Variants in CEACAM5 observed in about 807,000 individuals in gnomAD.
The protein encoded by CEACAM5 is cell adhesion molecule CEACAM5.
A neutral mutation model predicts 63.0 loss-of-function variants in CEACAM5; 52 were observed. The ratio of observed to expected loss-of-function variants is 0.83; its 90% CI spans 0.66 to 1.04. CEACAM5 has a LOEUF of 1.04. CEACAM5 is among the 50% of genes least tolerant of loss of function. The probability of loss-of-function intolerance (pLI) is 0.00; values close to 1 mark genes in which losing one functional copy is unlikely to be tolerated. For synonymous variants in CEACAM5, 357 were observed against 351.3 expected, an observed-to-expected ratio of 1.02 and a Z score of -0.18; for missense variants, 790 against 864.8, an observed-to-expected ratio of 0.91 and a Z score of 1.08.
At chr19:41,718,866 C>G (rs60959547) in intron 6 of CEACAM5, among the ~76,000 whole-genome samples, 1 of 152,224 alleles carries the variant, frequency 6.6e-6, no homozygotes, top group Non-Finnish European at 1.5e-5. Flanking sequence ...GGCTCCGCTC[C>G]GGGCTCCCCC....
At chr19:41,711,162 G>A (rs1291080234) in intron 2 of CEACAM5, among the ~76,000 whole-genome samples, 1 of 152,130 alleles carries the variant, frequency 6.6e-6, no homozygotes, top group African/African-American at 2.4e-5. Flanking sequence ...TCTGGAGAGT[G>A]ATAAGTAAAT....
At chr19:41,718,922 T>C (rs1216078558) in intron 6 of CEACAM5, among the ~76,000 whole-genome samples, 4 of 152,172 alleles carry the variant, frequency 2.6e-5, no homozygotes, top group African/African-American at 4.8e-5. Flanking sequence ...GATCCGGGCA[T>C]GTGGAGAAGG....
At position 41,727,306 on chromosome 19, in the gene CEACAM5, C is replaced by A. The variant is rs2072714062; in HGVS notation, c.2099C>A (p.Ala700Asp). The A allele has an allele frequency of 3.1e-6, 5 of 1,612,962 alleles. No homozygotes were observed. Among genetic ancestry groups the A allele is most frequent in the Non-Finnish European group, 4.2e-6 (5 of 1,178,922 alleles). Residue 700 changes from alanine to aspartate, a missense_variant, in exon 9 of 10, where the codon GCT (alanine) becomes GAT (aspartate). Transcript: ENST00000221992. ...ATGATTGGAGTGCTGGTTGGGGTTG[C>A]TCTGATATAGCAGCCCTGGTGTAGT... The part of the protein sequence containing the change: ...GIMIGVLVGV[A>D]LI
Position 41,719,990 on chromosome 19 carries a change from C to T in CEACAM5, c.1553C>T (p.Ala518Val). The part of the protein sequence containing the change: ...NNSKPVEDKD[A>V]VAFTCEPEAQ... ...TCCAAACCCGTGGAGGACAAGGATGCTGTGGCCTTCACCTGTGAACCTGAG... is the reference window on the plus strand; with the variant it reads ...TCCAAACCCGTGGAGGACAAGGATGTTGTGGCCTTCACCTGTGAACCTGAG... The change falls in exon 7 of 10, where the codon GCT becomes GTT. Residue 518 changes from alanine (A) to valine (V), a missense_variant. Ala to Val is a moderately conservative substitution (Grantham distance 64). Coordinates refer to ENST00000221992, the MANE Select transcript of CEACAM5 (RefSeq NM_004363.6). 1 of 1,614,248 alleles carries T rather than the reference C, an allele frequency of 6.2e-7. No homozygotes were observed. Among genetic ancestry groups the T allele is most frequent in the Non-Finnish European group, 8.5e-7 (1 of 1,180,048 alleles).
At chr19:41,719,899 C>G (rs546517688) in intron 6 of CEACAM5, 31 bp from the exon 7 acceptor site, 4 of 1,612,704 alleles carry the variant, frequency 2.5e-6, no homozygotes, top group East Asian at 2.2e-5. Flanking sequence ...AAGTGCCACA[C>G]AGGGCAATCT....
chr19:41,708,627 G>C lies in CEACAM5; in HGVS notation c.-105G>C, dbSNP rs1202748586. On this transcript the variant is annotated 5_prime_UTR_variant, in exon 1 of 10. Transcript: ENST00000221992. ...CTGCCCTAGGAAGAGACTCAGGGCA[G>C]AGGGAGGAAGGACAGCAGACCAGAC... 2 of 990,740 alleles carry C rather than the reference G, an allele frequency of 2.0e-6. No homozygotes were observed. Among genetic ancestry groups the C allele is most frequent in the Non-Finnish European group, 3.1e-6 (2 of 635,056 alleles). 61.4% of individuals were successfully genotyped at this position (990,740 alleles called of 1,614,324 possible).
At chr19:41,722,982 A>G (rs2122830420) in intron 8 of CEACAM5, among the ~76,000 whole-genome samples, 1 of 152,108 alleles carries the variant, frequency 6.6e-6, no homozygotes, top group South Asian at 2.1e-4. Context: ...ATCTCGGCTC[A>G]CTGCAAGCTC....
chr19:41,716,386 G>A (rs2072526980), intron 4 of CEACAM5, among the ~76,000 whole-genome samples: 1 of 152,224 alleles, frequency 6.6e-6, no homozygotes, highest in South Asian at 2.1e-4. Flanking sequence ...CTCTGCTCTG[G>A]GCTCCCCTGG....
Position 41,715,268 on chromosome 19 carries a change from C to G in CEACAM5, c.703+19C>G. On this transcript the variant is annotated intron_variant, in intron 3 of 9. Transcript: ENST00000221992. ...GTCCTCTGTGAGTATATCTGCTCCT[C>G]TCTGGCCCAGGCTGCCAGCCCAAAT... The G allele has an allele frequency of 6.2e-7, 1 of 1,614,224 alleles. No homozygotes were observed. The highest frequency in any genetic ancestry group is 1.1e-5 in the South Asian group (1 of 91,090).
intron 6 of CEACAM5, among the ~76,000 whole-genome samples, chr19:41,719,460 C>T (rs1382720268): frequency 2.0e-5 from 3 of 152,196 alleles, no homozygotes; most frequent in Non-Finnish European, 4.4e-5. Flanking sequence ...TGCTCCTGGT[C>T]TCCTGAGCTA....
chr19:41,727,454 C>A, intron 9 of CEACAM5, 102 bp downstream of exon 9: 1 of 692,710 alleles, frequency 1.4e-6, no homozygotes, highest in Non-Finnish European at 2.6e-6. Flanking sequence ...GACTGGATCT[C>A]TTCCTCCTAC....
intron 6 of CEACAM5, 114 bp downstream of exon 6, chr19:41,718,496 A>T (rs1363933365): frequency 9.1e-7 from 1 of 1,099,526 alleles, no homozygotes; most frequent in African/African-American, 1.6e-5. Flanking sequence ...GGGCACAAGC[A>T]ATCCCAAATT....
intron 8 of CEACAM5, among the ~76,000 whole-genome samples, chr19:41,721,605 G>A (rs1023812628): frequency 1.3e-5 from 2 of 152,272 alleles, no homozygotes; most frequent in Non-Finnish European, 2.9e-5. Context: ...CAAATGAGAG[G>A]AGGAAGCCCC....
At position 41,717,137 on chromosome 19, in the gene CEACAM5, C is replaced by CCAGG. The variant is rs369648780; in HGVS notation, c.959-314_959-311dup. Among the ~76,000 whole-genome samples the CCAGG allele has an allele frequency of 1.9e-3, 289 of 152,344 alleles. 5 individuals carry two copies. Among genetic ancestry groups the CCAGG allele is most frequent in the African/African-American group, 6.5e-3 (270 of 41,582 alleles). ...AATTCCAGGTGAGGACCCCAATGGGCCAGGCAGCCAGCCAGTCAGGAAAGG... is the reference window on the plus strand; with the variant it reads ...AATTCCAGGTGAGGACCCCAATGGGCCAGGCAGGCAGCCAGCCAGTCAGGAAAGG... On this transcript the variant is annotated intron_variant, in intron 4 of 9. Transcript: ENST00000221992.
Position 41,715,743 on chromosome 19 carries a change from C to A in CEACAM5, c.797C>A (p.Pro266His). 1 of 1,614,220 alleles carries A rather than the reference C, an allele frequency of 6.2e-7. No homozygotes were observed. Among genetic ancestry groups the A allele is most frequent in the Non-Finnish European group, 8.5e-7 (1 of 1,180,038 alleles). ...TCCTGCCACGCAGCCTCTAACCCAC[C>A]TGCACAGTACTCTTGGTTTGTCAAT... ...NLSCHAASNP[P>H]AQYSWFVNGT... The change falls in exon 4 of 10, where the codon CCT (proline) becomes CAT (histidine). Residue 266 changes from proline to histidine, a missense_variant. Physicochemically the swap from Pro to His is moderately conservative, Grantham distance 77. Transcript: ENST00000221992.
chr19:41,715,734 C>G lies in CEACAM5; in HGVS notation c.788C>G (p.Ser263Cys), dbSNP rs1284503220. 1.2e-6 allele frequency: 2 copies of G among 1,614,228 alleles called. No individual in the cohort carries two copies. Among genetic ancestry groups the G allele is most frequent in the East Asian group, 4.5e-5 (2 of 44,890 alleles). The change falls in exon 4 of 10, where the codon TCT (serine) becomes TGT (cysteine). Residue 263 changes from serine (S) to cysteine (C), a missense_variant. Physicochemically the swap from Ser to Cys is moderately radical, Grantham distance 112. Transcript: ENST00000221992. ...ENLNLSCHAASNPPAQYSWFV... is the reference protein window; with the variant it reads ...ENLNLSCHAACNPPAQYSWFV... The stretch of plus-strand genomic sequence containing the variant: ...CTGAACCTCTCCTGCCACGCAGCCT[C>G]TAACCCACCTGCACAGTACTCTTGG...
rs1041307090 is a variant in CEACAM5, at chr19:41,714,285, C to T, written c.425-686C>T. 3.3e-5 allele frequency among the ~76,000 whole-genome samples: 5 copies of T among 152,176 alleles called. No individual in the cohort carries two copies. The East Asian group carries it at 9.6e-4, about 29-fold the overall frequency. ...AAATCCGGGCAGCTCCTGCCTGTCACCTGAAGTTCTAGATCATTCCCTGGA... is the reference window on the plus strand; with the variant it reads ...AAATCCGGGCAGCTCCTGCCTGTCATCTGAAGTTCTAGATCATTCCCTGGA... On this transcript the variant is annotated intron_variant, in intron 2 of 9. Transcript: ENST00000221992.
At position 41,714,435 on chromosome 19, in the gene CEACAM5, C is replaced by T. The variant is rs577668835; in HGVS notation, c.425-536C>T. Among the ~76,000 whole-genome samples the T allele has an allele frequency of 1.5e-3, 229 of 152,322 alleles. 1 individual carries two copies. Among genetic ancestry groups the T allele is most frequent in the African/African-American group, 5.4e-3 (223 of 41,570 alleles). On this transcript the variant is annotated intron_variant, in intron 2 of 9. Transcript: ENST00000221992. ...TGACCTCCAGGCTTGCCTCTGGTGT[C>T]CCCTGTGTTATTTCTACTGAAACAT...
intron 3 of CEACAM5, 121 bp from the exon 4 acceptor site, chr19:41,715,529 G>A (rs2072511147): frequency 7.5e-7 from 1 of 1,333,660 alleles, no homozygotes; most frequent in Non-Finnish European, 1.1e-6. Context: ...ATACAAGAGG[G>A]GTTTGGCTGA....
Sources: gnomAD v4.1 joint callset for allele counts (sites outside exome capture counted in the v4.1 genomes callset) on GRCh38, gnomAD v4.1.1 for gene constraint, MANE v1.5 for transcripts, NCBI Gene and HGNC (gene_info 2026-07-23, HGNC 2026-07-21) for gene names.